RBL1: variants seen among roughly 807,000 people sequenced by gnomAD.
RBL1 encodes the protein RB transcriptional corepressor like 1.
A neutral mutation model predicts 123.0 loss-of-function variants in RBL1; 82 were observed. That is an observed-to-expected ratio of 0.67 (90% CI 0.56 to 0.80). The LOEUF (loss-of-function observed/expected upper bound fraction) is 0.80. RBL1 is among the 30% of genes least tolerant of loss of function. The probability of loss-of-function intolerance (pLI) is 0.00; values close to 1 mark genes in which losing one functional copy is unlikely to be tolerated. For missense variants in RBL1, 1,171 were observed against 1,299.6 expected (o/e 0.90, Z 1.52); for synonymous variants, 405 against 441.3 (o/e 0.92, Z 1.03).
intron 2 of RBL1, among the ~76,000 whole-genome samples, chr20:37,071,354 T>C (rs756845798): frequency 4.6e-5 from 7 of 152,174 alleles, no homozygotes; most frequent in Non-Finnish European, 7.3e-5. Context: ...CCAAATCTCA[T>C]GTTGCAATGT....
At position 36,998,746 on chromosome 20, in the gene RBL1, A is replaced by G. The variant is rs773520348; in HGVS notation, c.*13T>C. The G allele has an allele frequency of 6.9e-6, 11 of 1,599,664 alleles. No individual in the cohort carries two copies. The South Asian group carries it at 1.1e-4, about 16-fold the overall frequency. On this transcript the variant is annotated 3_prime_UTR_variant, in exon 22 of 22. Transcript: ENST00000373664. ...AATCTGAAAGTGCTTTTATCATAGA[A>G]ACAAGAACAACATTAATGATTTGCT...
intron 2 of RBL1, among the ~76,000 whole-genome samples, chr20:37,087,260 G>A (rs982124577): frequency 5.3e-5 from 8 of 151,916 alleles, no homozygotes; most frequent in Non-Finnish European, 7.4e-5. Flanking sequence ...GCTTGAACCC[G>A]GGAGGCGGAG....
At chr20:37,069,152 C>T (rs1450468583) in intron 2 of RBL1, among the ~76,000 whole-genome samples, 1 of 152,252 alleles carries the variant, frequency 6.6e-6, no homozygotes. Context: ...CAATGGTGCC[C>T]AGGCTGGAGT....
At chr20:37,070,480 A>C (rs1020524067) in intron 2 of RBL1, among the ~76,000 whole-genome samples, 1 of 150,972 alleles carries the variant, frequency 6.6e-6, no homozygotes, top group Non-Finnish European at 1.5e-5. Context: ...AAATAAATAA[A>C]TTTAAAAAAA....
intron 19 of RBL1, among the ~76,000 whole-genome samples, chr20:37,016,028 T>G (rs1172521705): frequency 7.5e-5 from 11 of 145,848 alleles, no homozygotes; most frequent in African/African-American, 2.0e-4. Context: ...GCGGTTTTTT[T>G]TTTTTTTTTT....
At chr20:37,013,127 C>T (rs1480154616) in intron 19 of RBL1, among the ~76,000 whole-genome samples, 6 of 152,132 alleles carry the variant, frequency 3.9e-5, no homozygotes, top group African/African-American at 1.4e-4. Context: ...ATGAGAATGG[C>T]GGTTTTGTGG....
rs947316367 is a variant in RBL1 at position 37,089,013 on chromosome 20, C to T, written c.266G>A (p.Arg89Lys). 6.2e-7 allele frequency: 1 copy of T among 1,608,898 alleles called. No individual in the cohort carries two copies. The highest frequency in any genetic ancestry group is 8.5e-7 in the Non-Finnish European group (1 of 1,177,394). The change falls in exon 2 of 22, where the codon AGA becomes AAA. Residue 89 changes from arginine to lysine, a missense_variant. Transcript: ENST00000373664. ...CCTTAATTTAGCTGAACGTAGTATT[C>T]TGGTAAGTGAAACACAGTTGCCTTC... ...IMEGNCVSLT[R>K]ILRSAKLSLI...
At chr20:37,018,411 G>C in intron 18 of RBL1, 42 bp from the exon 19 acceptor site, 1 of 1,553,364 alleles carries the variant, frequency 6.4e-7, no homozygotes, top group Non-Finnish European at 8.6e-7. Flanking sequence ...CAGTCACAGA[G>C]GTACAGGTTA....
chr20:37,088,930 G>A (rs1327360662), intron 2 of RBL1, 59 bp downstream of exon 2: 5 of 1,233,228 alleles, frequency 4.1e-6, no homozygotes, highest in Non-Finnish European at 5.4e-6. Context: ...CAAAACAAGA[G>A]AAAACTGATT....
intron 2 of RBL1, 35 bp downstream of exon 2, chr20:37,088,954 C>T (rs750590377): frequency 1.4e-6 from 2 of 1,415,210 alleles, no homozygotes; most frequent in East Asian, 2.6e-5. Context: ...AAATTTAGAG[C>T]TTATATAACA....
At position 37,049,407 on chromosome 20, in the gene RBL1, G is replaced by C. The variant is rs577655156; in HGVS notation, c.1468-2217C>G. On this transcript the variant is annotated intron_variant, in intron 11 of 21. Transcript: ENST00000373664. ...AATATTTGCTGGCAAGCAACTGGAA[G>C]ATGTCTGACTACAACATTCAAAAGG... is the stretch of plus-strand genomic sequence containing the variant. 2.6e-4 allele frequency: 194 copies of C among 738,082 alleles called. 2 individuals are homozygous for C. The South Asian group carries it at 2.6e-3, about 10-fold the overall frequency. The allele number at this position is 738,082 out of a possible 1,614,324, so 45.7% of individuals were successfully genotyped here.
At chr20:37,063,038 T>C (rs1267251813) in intron 7 of RBL1, among the ~76,000 whole-genome samples, 1 of 152,182 alleles carries the variant, frequency 6.6e-6, no homozygotes. Context: ...TAAAATCAAA[T>C]ACAGAGTCAT....
chr20:37,035,274 G>A lies in RBL1; in HGVS notation c.2138C>T (p.Thr713Ile). 1 of 1,613,824 alleles carries A rather than the reference G, an allele frequency of 6.2e-7. No individual in the cohort carries two copies. The highest frequency in any genetic ancestry group is 1.7e-5 in the Admixed American group (1 of 60,008). The change falls in exon 15 of 22, where the codon ACA (threonine) becomes ATA (isoleucine). Residue 713 changes from threonine to isoleucine, a missense_variant. Thr to Ile is a moderately conservative substitution (Grantham distance 89, BLOSUM62 -1). Transcript: ENST00000373664. ...LTMATAPVTG[T>I]TGHKVTIPLH... ...TGGAATTGTAACTTTATGTCCTGTT[G>A]TTCCTGTTACTGGGGCTGTGGCCAT...
chr20:37,056,310 A>T, intron 9 of RBL1, 52 bp from the exon 10 acceptor site: 2 of 1,509,882 alleles, frequency 1.3e-6, no homozygotes, highest in Non-Finnish European at 1.8e-6. Context: ...ACAAACAAAC[A>T]AAAAAGACTC....
At chr20:37,016,424 G>A (rs760828779) in intron 19 of RBL1, among the ~76,000 whole-genome samples, 13 of 152,134 alleles carry the variant, frequency 8.5e-5, no homozygotes, top group African/African-American at 2.9e-4. Flanking sequence ...ATCCTCAAAC[G>A]GAGTCAGATT....
intron 11 of RBL1, among the ~76,000 whole-genome samples, chr20:37,054,035 AC>A (rs2064964001): frequency 6.6e-6 from 1 of 151,346 alleles, no homozygotes; most frequent in Non-Finnish European, 1.5e-5. Flanking sequence ...TTATACACAC[AC>A]ACACACACAC....
Position 36,998,222 on chromosome 20 carries a change from T to TTATATA in RBL1, c.*531_*536dup, listed in dbSNP as rs112111996. 6.9e-6 allele frequency: 1 copy of TTATATA among 144,840 alleles called. No homozygotes were observed. Among genetic ancestry groups the TTATATA allele is most frequent in the African/African-American group, 2.5e-5 (1 of 40,654 alleles). The allele number at this position is 144,840 out of a possible 1,614,324, so 9.0% of individuals were successfully genotyped here. A position where few individuals can be genotyped will look rare whatever the true frequency, so the allele number is the denominator to read the frequency against. On this transcript the variant is annotated 3_prime_UTR_variant, in exon 22 of 22. Transcript: ENST00000373664. ...GCAAACATTAAAAAAAATTCCCTATTTATATATATATATATATTTTTTGAG... is the reference window on the plus strand; with the variant it reads ...GCAAACATTAAAAAAAATTCCCTATTTATATATATATATATATATATATTTTTTGAG...
Position 37,023,854 on chromosome 20 carries a change from C to T in RBL1, c.2383-1028G>A, listed in dbSNP as rs368536403. Among the ~76,000 whole-genome samples the T allele has an allele frequency of 2.7e-5, 4 of 147,570 alleles. No homozygotes were observed. The East Asian group carries it at 6.0e-4, about 22-fold the overall frequency. On this transcript the variant is annotated intron_variant, in intron 16 of 21. Coordinates refer to ENST00000373664, the MANE Select transcript of RBL1 (RefSeq NM_002895.5). ...AGTGCAGTGGCATGATCTTGGCTCA[C>T]TGCAACCTCCACCTCCGGGCTCAAG...
intron 9 of RBL1, among the ~76,000 whole-genome samples, chr20:37,060,210 A>AAATC (rs1555862332): frequency 1.2e-4 from 18 of 151,336 alleles, no homozygotes; most frequent in African/African-American, 3.7e-4. Context: ...ATAAATAAAT[A>AAATC]AATCCATTTT....
Sources: allele counts gnomAD v4.1 joint callset (sites outside exome capture counted in the v4.1 genomes callset), GRCh38; gene constraint gnomAD v4.1.1; transcripts MANE v1.5; gene names NCBI Gene and HGNC (gene_info 2026-07-23, HGNC 2026-07-21).